Variants in HEMK2 observed in about 807,000 individuals in gnomAD.
HEMK2 encodes HemK methyltransferase 2, ETF1 glutamine and histone H4 lysine.
At chr21:28,873,721 C>T in the HEMK2 span, 1 of 152,214 alleles carries the variant, frequency 6.6e-6, no homozygotes, top group South Asian at 2.1e-4. Flanking sequence ...AACAATCACC[C>T]AGCCAGCACT....
the HEMK2 span, among the ~76,000 whole-genome samples, chr21:28,662,265 T>C: frequency 6.6e-6 from 1 of 152,166 alleles, no homozygotes; most frequent in African/African-American, 2.4e-5. Context: ...AAAGAATTGC[T>C]GCTGCCAAGC....
At chr21:28,647,892 G>T in the HEMK2 span, among the ~76,000 whole-genome samples, 1 of 152,248 alleles carries the variant, frequency 6.6e-6, no homozygotes, top group Non-Finnish European at 1.5e-5. Flanking sequence ...GTAACAGAAA[G>T]ATCAAACTTT....
the HEMK2 span, among the ~76,000 whole-genome samples, chr21:28,821,857 G>A: frequency 2.0e-5 from 3 of 152,148 alleles, no homozygotes; most frequent in African/African-American, 7.2e-5. Flanking sequence ...ACATCAGAAG[G>A]TATTTCAAGA....
At chr21:28,827,856 A>C in the HEMK2 span, among the ~76,000 whole-genome samples, 1 of 151,940 alleles carries the variant, frequency 6.6e-6, no homozygotes, top group Non-Finnish European at 1.5e-5. Flanking sequence ...TTTTATTTGA[A>C]CCTATCTCTG....
At chr21:28,710,112 A>G in the HEMK2 span, among the ~76,000 whole-genome samples, 1 of 152,180 alleles carries the variant, frequency 6.6e-6, no homozygotes, top group Non-Finnish European at 1.5e-5. Flanking sequence ...TTTTCAGAAG[A>G]AAGTGGTTAA....
At chr21:28,877,848 G>C in the HEMK2 span, among the ~76,000 whole-genome samples, 1 of 152,120 alleles carries the variant, frequency 6.6e-6, no homozygotes, top group African/African-American at 2.4e-5. Flanking sequence ...GAACTAAAGA[G>C]TACAGCACAA....
At chr21:28,836,870 T>C in the HEMK2 span, among the ~76,000 whole-genome samples, 111 of 152,070 alleles carry the variant, frequency 7.3e-4, no homozygotes, top group Middle Eastern at 3.4e-3. Context: ...TAAATATTCT[T>C]ACATCAGACA....
the HEMK2 span, among the ~76,000 whole-genome samples, chr21:28,579,321 C>T: frequency 7.5e-4 from 114 of 152,094 alleles, 1 homozygote; most frequent in Non-Finnish European, 1.2e-3. Context: ...TTTATATATA[C>T]ACGTGCATAT....
At chr21:28,788,967 A>T in the HEMK2 span, among the ~76,000 whole-genome samples, 1 of 152,170 alleles carries the variant, frequency 6.6e-6, no homozygotes, top group African/African-American at 2.4e-5. Context: ...AGGGAATGCC[A>T]AGGATTGCTG....
chr21:28,606,007 AAC>A, the HEMK2 span, among the ~76,000 whole-genome samples: 7 of 151,704 alleles, frequency 4.6e-5, no homozygotes, highest in African/African-American at 9.6e-5. Flanking sequence ...TTTTCATAAC[AAC>A]ACACACACAC....
the HEMK2 span, among the ~76,000 whole-genome samples, chr21:28,665,415 G>T: frequency 2.8e-3 from 55 of 19,578 alleles, no homozygotes; most frequent in Non-Finnish European, 3.1e-3. Flanking sequence ...TATAGTCTAA[G>T]TTTTAGGGTA....
the HEMK2 span, among the ~76,000 whole-genome samples, chr21:28,579,829 A>G: frequency 3.1e-3 from 478 of 152,264 alleles, 3 homozygotes; most frequent in African/African-American, 0.011. Context: ...TTGCTTTCCT[A>G]TATATTCAAA....
the HEMK2 span, among the ~76,000 whole-genome samples, chr21:28,596,595 A>G: frequency 6.6e-6 from 1 of 152,336 alleles, no homozygotes; most frequent in Admixed American, 6.5e-5. Flanking sequence ...GAATATTCAC[A>G]TTATCATAAT....
the HEMK2 span, among the ~76,000 whole-genome samples, chr21:28,637,634 G>C: frequency 6.6e-6 from 1 of 152,152 alleles, no homozygotes; most frequent in African/African-American, 2.4e-5. Flanking sequence ...GTTGAGACTT[G>C]AGCAGCCTTC....
At chr21:28,801,640 CAAGAA>C in the HEMK2 span, among the ~76,000 whole-genome samples, 257 of 151,988 alleles carry the variant, frequency 1.7e-3, 2 homozygotes, top group African/African-American at 5.8e-3. Context: ...TAGAAATCAA[CAAGAA>C]AAGACCAACA....
At chr21:28,685,939 G>A in the HEMK2 span, among the ~76,000 whole-genome samples, 2 of 152,308 alleles carry the variant, frequency 1.3e-5, no homozygotes, top group South Asian at 2.1e-4. Flanking sequence ...CTGTATTCAG[G>A]TGTTGGCTGA....
chr21:28,853,701 C>G, the HEMK2 span, among the ~76,000 whole-genome samples: 4 of 152,210 alleles, frequency 2.6e-5, no homozygotes, highest in East Asian at 7.7e-4. Flanking sequence ...GGTTTATCTC[C>G]TCAGACAAAG....
At chr21:28,693,266 G>C in the HEMK2 span, among the ~76,000 whole-genome samples, 2 of 152,064 alleles carry the variant, frequency 1.3e-5, no homozygotes, top group Non-Finnish European at 1.5e-5. Flanking sequence ...GAACAGGAGA[G>C]GAACTAGAGA....
chr21:28,758,659 T>A, the HEMK2 span, among the ~76,000 whole-genome samples: 1 of 152,174 alleles, frequency 6.6e-6, no homozygotes, highest in Non-Finnish European at 1.5e-5. Context: ...ACCAACGTGC[T>A]CTTAATAATA....
Sources: allele counts gnomAD v4.1 joint callset (sites outside exome capture counted in the v4.1 genomes callset), GRCh38; gene constraint gnomAD v4.1.1; transcripts MANE v1.5; gene names NCBI Gene and HGNC (gene_info 2026-07-23, HGNC 2026-07-21).